RIMBP2: variants seen among roughly 807,000 people sequenced by gnomAD.
RIMBP2 encodes the protein RIMS binding protein 2.
Under a neutral mutation model 118.6 loss-of-function variants are expected in RIMBP2, and 48 were observed. That is an observed-to-expected ratio of 0.40 (90% confidence interval 0.32 to 0.51). RIMBP2 has a LOEUF of 0.51. Ranked by LOEUF, RIMBP2 falls within the 20% of genes least tolerant of loss-of-function variation. The probability of loss-of-function intolerance (pLI) is 0.41; values close to 1 mark genes in which losing one functional copy is unlikely to be tolerated. For missense variants in RIMBP2, 1,551 were observed against 1,768.3 expected (o/e 0.88, Z 2.20); for synonymous variants, 762 against 742.9 (o/e 1.03, Z -0.42).
chr12:130,697,271 C>T (rs929608271), intron 1 of RIMBP2, among the ~76,000 whole-genome samples: 1 of 152,178 alleles, frequency 6.6e-6, no homozygotes, highest in African/African-American at 2.4e-5. Flanking sequence ...CCTGTAATCC[C>T]AGTGCTCTGG....
At chr12:130,645,580 C>G (rs1594133436) in intron 1 of RIMBP2, among the ~76,000 whole-genome samples, 1 of 152,144 alleles carries the variant, frequency 6.6e-6, no homozygotes, top group South Asian at 2.1e-4. Context: ...AAAGTCATGC[C>G]CTCTCCCACT....
intron 2 of RIMBP2, among the ~76,000 whole-genome samples, chr12:130,574,269 G>A (rs565592667): frequency 2.6e-5 from 4 of 152,206 alleles, no homozygotes; most frequent in African/African-American, 9.6e-5. Flanking sequence ...GTCCTGTTGG[G>A]GGGGTGGCGG....
Position 130,456,704 on chromosome 12 carries a change from C to A in RIMBP2, c.154-4G>T. On this transcript the variant is annotated splice_polypyrimidine_tract_variant and splice_region_variant and intron_variant, in intron 6 of 22. Transcript: ENST00000690449. ...CTTCCAGCTCTCGAACCTTGGACTGCACGGCAGAAGCAGGACAGGGGGTCA... is the reference window on the plus strand; with the variant it reads ...CTTCCAGCTCTCGAACCTTGGACTGAACGGCAGAAGCAGGACAGGGGGTCA... 1 of 1,596,388 alleles carries A rather than the reference C, an allele frequency of 6.3e-7. No homozygotes were observed. The highest frequency in any genetic ancestry group is 1.7e-5 in the Admixed American group (1 of 59,554).
intron 11 of RIMBP2, among the ~76,000 whole-genome samples, chr12:130,441,401 A>AAATAATAAT (rs58605863): frequency 0.031 from 3,755 of 122,778 alleles, 93 homozygotes; most frequent in African/African-American, 0.064. Context: ...ACTCCATCTC[A>AAATAATAAT]AATAATAATA....
chr12:130,522,303 C>T (rs978261240), intron 2 of RIMBP2, among the ~76,000 whole-genome samples: 1 of 152,218 alleles, frequency 6.6e-6, no homozygotes, highest in Non-Finnish European at 1.5e-5. Context: ...CGCCACTGCC[C>T]ACAGGGAGAG....
chr12:130,425,457 C>T (rs4759460), intron 15 of RIMBP2: 31,378 of 152,422 alleles, frequency 0.21, 3,574 homozygotes, highest in East Asian at 0.41. Context: ...GCCCCACCAA[C>T]AGCGCCCGCA....
intron 1 of RIMBP2, among the ~76,000 whole-genome samples, chr12:130,687,852 G>A (rs2065130398): frequency 1.3e-5 from 2 of 151,986 alleles, no homozygotes; most frequent in African/African-American, 4.8e-5. Context: ...AGTGTGCTTT[G>A]GGCACGTGCC....
intron 6 of RIMBP2, among the ~76,000 whole-genome samples, chr12:130,457,362 C>T (rs763618194): frequency 6.6e-6 from 1 of 152,192 alleles, no homozygotes; most frequent in African/African-American, 2.4e-5. Flanking sequence ...CCCAGGGACA[C>T]GCACAGGAAA....
chr12:130,567,050 G>A (rs796882960), intron 2 of RIMBP2, among the ~76,000 whole-genome samples: 13 of 152,300 alleles, frequency 8.5e-5, no homozygotes, highest in African/African-American at 3.1e-4. Flanking sequence ...TAGCGAAGAT[G>A]AAAGAGGTGA....
chr12:130,493,476 G>A lies in RIMBP2; in HGVS notation c.-4+13172C>T, dbSNP rs77580582. 4.5e-3 allele frequency among the ~76,000 whole-genome samples: 689 copies of A among 151,994 alleles called. 8 individuals carry two copies. The highest frequency in any genetic ancestry group is 0.016 in the African/African-American group (649 of 41,472). On this transcript the variant is annotated intron_variant, in intron 4 of 22. Coordinates refer to ENST00000690449, the MANE Select transcript of RIMBP2 (RefSeq NM_001393629.1). ...ATTACAGGCGTGTACCACCACGCCT[G>A]GTTAATTTTTGTATTTTTAGTAGAG...
At chr12:130,661,589 T>C (rs1252834166) in intron 1 of RIMBP2, among the ~76,000 whole-genome samples, 1 of 152,168 alleles carries the variant, frequency 6.6e-6, no homozygotes, top group East Asian at 1.9e-4. Context: ...TGCAGTGCTG[T>C]GGTGTGTGTA....
chr12:130,480,258 C>T (rs2138131062), intron 4 of RIMBP2, among the ~76,000 whole-genome samples: 1 of 151,068 alleles, frequency 6.6e-6, no homozygotes, highest in East Asian at 2.0e-4. Context: ...TCGTGGTCAA[C>T]ATTTTAAAAT....
rs915995451 is a variant in RIMBP2, at chr12:130,688,027, T to C, written c.-352+28195A>G. On this transcript the variant is annotated intron_variant, in intron 1 of 22. Coordinates refer to ENST00000690449, the MANE Select transcript of RIMBP2 (RefSeq NM_001393629.1). The surrounding 1 kb of genome is among the most constrained non-coding windows in gnomAD (Gnocchi z 4.7). ...AGACCTGACAATCTCGGCCAACAGCTCAGATCAACTATTGTTAAAATTCGT... is the reference window on the plus strand; with the variant it reads ...AGACCTGACAATCTCGGCCAACAGCCCAGATCAACTATTGTTAAAATTCGT... Among the ~76,000 whole-genome samples, 2 of 152,156 alleles carry C rather than the reference T, an allele frequency of 1.3e-5. No homozygotes were observed. The highest frequency in any genetic ancestry group is 2.9e-5 in the Non-Finnish European group (2 of 68,032).
At chr12:130,714,600 C>A (rs1406233883) in intron 1 of RIMBP2, among the ~76,000 whole-genome samples, 3 of 152,242 alleles carry the variant, frequency 2.0e-5, no homozygotes, top group Non-Finnish European at 2.9e-5. Flanking sequence ...CCGCTGCCAG[C>A]GCCTTCCCTG....
chr12:130,522,452 G>A (rs2052237448), intron 2 of RIMBP2, among the ~76,000 whole-genome samples: 1 of 152,202 alleles, frequency 6.6e-6, no homozygotes, highest in Admixed American at 6.5e-5. Context: ...ACGGGAACTG[G>A]CCCTGACAGC....
chr12:130,701,092 G>T (rs1240733797), intron 1 of RIMBP2, among the ~76,000 whole-genome samples: 1 of 152,192 alleles, frequency 6.6e-6, no homozygotes, highest in Non-Finnish European at 1.5e-5. Flanking sequence ...CAAATACAAG[G>T]TTTCCGTGTG....
chr12:130,578,032 A>G lies in RIMBP2; in HGVS notation c.-217+50290T>C, dbSNP rs2058210150. Among the ~76,000 whole-genome samples, 1 of 152,206 alleles carries G rather than the reference A, an allele frequency of 6.6e-6. No homozygotes were observed. ...TTACTTGTCAATTATACCTCAACAA[A>G]GCTGGGGAAAAAAATATCTTCTCTG... On this transcript the variant is annotated intron_variant, in intron 2 of 22. Transcript: ENST00000690449. The surrounding 1 kb of genome is among the most constrained non-coding windows in gnomAD (Gnocchi z 4.1).
chr12:130,668,376 T>C (rs1010937589), intron 1 of RIMBP2: 1 of 152,204 alleles, frequency 6.6e-6, no homozygotes, highest in African/African-American at 2.4e-5. Context: ...CTGAGAGATA[T>C]GGACCTGGGA....
intron 2 of RIMBP2, among the ~76,000 whole-genome samples, chr12:130,565,857 G>A (rs537649728): frequency 2.0e-5 from 3 of 152,318 alleles, no homozygotes; most frequent in South Asian, 2.1e-4. Context: ...AATTTTGCTG[G>A]AGATGGAAGA....
Sources: gnomAD v4.1 joint callset for allele counts (sites outside exome capture counted in the v4.1 genomes callset) on GRCh38, gnomAD v4.1.1 for gene constraint, Gnocchi (gnomAD v3.1) non-coding constraint, MANE v1.5 for transcripts, NCBI Gene and HGNC (gene_info 2026-07-23, HGNC 2026-07-21) for gene names.